The following MEX3A variants were observed in gnomAD, a reference collection of about 807,000 sequenced individuals.
MEX3A encodes mex-3 RNA binding family member A.
MEX3A carries 4 observed loss-of-function variants against 30.0 expected under a neutral mutation model. The observed-to-expected ratio is 0.13, with a 90% CI of 0.07 to 0.30. The LOEUF (loss-of-function observed/expected upper bound fraction) is 0.30, where lower values mean the gene tolerates loss of function less well. MEX3A is among the 10% of genes least tolerant of loss of function. The pLI is 1.00. For missense variants in MEX3A, 555 were observed against 736.7 expected (o/e 0.75, Z 2.86); for synonymous variants, 335 against 327.6 (o/e 1.02, Z -0.24).
In MEX3A at chr1:156,077,465, C is replaced by T; in HGVS notation, c.672G>A (p.Val224=). The T allele has an allele frequency of 6.2e-7, 1 of 1,613,464 alleles. No homozygotes were observed. Among genetic ancestry groups the T allele is most frequent in the Non-Finnish European group, 8.5e-7 (1 of 1,179,686 alleles). Residue 224 remains valine (V), a synonymous_variant, in exon 2 of 2, where the codon GTG becomes GTA. Transcript: ENST00000532414. The surrounding 1 kb of genome is among the most constrained non-coding windows in gnomAD (Gnocchi z 8.3). ...GGTAGGGCACCCGCACACGGATGGTCACCTGGCCGGGCAGAGCAGGAGCCA... is the reference window on the plus strand; with the variant it reads ...GGTAGGGCACCCGCACACGGATGGTTACCTGGCCGGGCAGAGCAGGAGCCA... ...FGVAPALPGQ[V]TIRVRVPYRV...
At position 156,082,164 on chromosome 1, in the gene MEX3A, C is replaced by T. The variant is rs964940064; in HGVS notation, c.-166G>A. 6.6e-6 allele frequency among the ~76,000 whole-genome samples: 1 copy of T among 150,568 alleles called. No homozygotes were observed. Among genetic ancestry groups the T allele is most frequent in the Non-Finnish European group, 1.5e-5 (1 of 67,376 alleles). The stretch of plus-strand genomic sequence containing the variant: ...AGAAAGCGAGATAGAAAGATAGACC[C>T]TCCCCCTAAGCCCCCCTCCCCAAAC... On this transcript the variant is annotated 5_prime_UTR_variant, in exon 1 of 2. Coordinates refer to ENST00000532414, the MANE Select transcript of MEX3A (RefSeq NM_001093725.2).
chr1:156,082,039 A>C lies in MEX3A; in HGVS notation c.-41T>G. The C allele has an allele frequency of 9.0e-7, 1 of 1,105,020 alleles. No individual in the cohort carries two copies. The highest frequency in any genetic ancestry group is 1.2e-6 in the Non-Finnish European group (1 of 840,974). The allele number at this position is 1,105,020 out of a possible 1,614,324, so 68.5% of individuals were successfully genotyped here. Reference sequence around the variant, plus strand: ...GGGGGAGAGAGAGAGGGAGAGAGAGAGAGAGAGGTGGTGGAAGGGAAAAGA... The same window carrying C: ...GGGGGAGAGAGAGAGGGAGAGAGAGCGAGAGAGGTGGTGGAAGGGAAAAGA... On this transcript the variant is annotated 5_prime_UTR_variant, in exon 1 of 2. Transcript: ENST00000532414.
rs1052843246 is a variant in MEX3A, at chr1:156,072,309, C to G, written c.*4265G>C. 1 of 152,524 alleles carries G rather than the reference C, an allele frequency of 6.6e-6. No individual in the cohort carries two copies. The highest frequency in any genetic ancestry group is 2.4e-5 in the African/African-American group (1 of 41,394). 9.4% of individuals were successfully genotyped at this position (152,524 alleles called of 1,614,324 possible). On this transcript the variant is annotated 3_prime_UTR_variant, in exon 2 of 2. Transcript: ENST00000532414. ...CTCCACCCACCCCCCCTTCCCCACC[C>G]GCACCCTCGAGTGGGGAAGGGGAAG...
In MEX3A at chr1:156,078,656, C is replaced by T. The variant is rs144532939; in HGVS notation, c.455-974G>A. ...GGGCTATTCTGTTTCTAAAAGCTGC[C>T]GACCTGGGGGTCTGGACAAGTCCCT... On this transcript the variant is annotated intron_variant, in intron 1 of 1. Coordinates refer to ENST00000532414, the MANE Select transcript of MEX3A (RefSeq NM_001093725.2). 1.8e-4 allele frequency among the ~76,000 whole-genome samples: 27 copies of T among 152,206 alleles called. No homozygotes were observed. The East Asian group carries it at 5.2e-3, about 29-fold the overall frequency.
chr1:156,080,503 C>G (rs1472433684), intron 1 of MEX3A, among the ~76,000 whole-genome samples: 2 of 152,112 alleles, frequency 1.3e-5, no homozygotes, highest in Non-Finnish European at 2.9e-5. Flanking sequence ...GCTCCTCCCC[C>G]ACCCCACACC....
chr1:156,077,627 C>T lies in MEX3A; in HGVS notation c.510G>A (p.Val170=). The part of the protein sequence containing the change: ...AKTNTYIKTP[V]RGEEPVFMVT... ...CCATGAACACTGGTTCCTCGCCCCT[C>T]ACCGGTGTCTTGATGTAGGTGTTGG... The change falls in exon 2 of 2, where the codon GTG becomes GTA. Residue 170 remains valine, a synonymous_variant. Coordinates refer to ENST00000532414, the MANE Select transcript of MEX3A (RefSeq NM_001093725.2). This position sits in a 1 kb window ranked among gnomAD's most constrained non-coding sequence, Gnocchi z 8.3. The T allele has an allele frequency of 6.2e-7, 1 of 1,607,520 alleles. No homozygotes were observed. The highest frequency in any genetic ancestry group is 8.5e-7 in the Non-Finnish European group (1 of 1,179,432).
chr1:156,081,657 C>T lies in MEX3A; in HGVS notation c.342G>A (p.Lys114=), dbSNP rs1367429709. 6.6e-7 allele frequency: 1 copy of T among 1,521,188 alleles called. No homozygotes were observed. Among genetic ancestry groups the T allele is most frequent in the Admixed American group, 2.0e-5 (1 of 49,236 alleles). The allele number at this position is 1,521,188 out of a possible 1,614,324, so 94.2% of individuals were successfully genotyped here. A position where few individuals can be genotyped will look rare whatever the true frequency, so the allele number is the denominator to read the frequency against. The part of the protein sequence containing the change: ...PTAPKGASDA[K]LCALYKEAEL... ...CGGCCTCTTTGTAGAGAGCGCAGAG[C>T]TTGGCGTCGCTCGCCCCTTTGGGGG... is the stretch of plus-strand genomic sequence containing the variant. The change falls in exon 1 of 2, where the codon AAG becomes AAA. Residue 114 remains lysine (K), a synonymous_variant. Transcript: ENST00000532414.
rs1647948046 is a variant in MEX3A at position 156,072,723 on chromosome 1, G to A, written c.*3851C>T. The stretch of plus-strand genomic sequence containing the variant: ...ACCCCTACCTGAACACATATAGATG[G>A]AGGTGAACTGGAGCAGAGGGTCAGG... On this transcript the variant is annotated 3_prime_UTR_variant, in exon 2 of 2. Coordinates refer to ENST00000532414, the MANE Select transcript of MEX3A (RefSeq NM_001093725.2). 1 of 152,768 alleles carries A rather than the reference G, an allele frequency of 6.5e-6. No homozygotes were observed. Among genetic ancestry groups the A allele is most frequent in the African/African-American group, 2.4e-5 (1 of 41,450 alleles). 9.5% of individuals were successfully genotyped at this position (152,768 alleles called of 1,614,324 possible). A position where few individuals can be genotyped will look rare whatever the true frequency, so the allele number is the denominator to read the frequency against.
rs1648070895 is a variant in MEX3A, at chr1:156,076,661, C to T, written c.1476G>A (p.Glu492=). 6.2e-7 allele frequency: 1 copy of T among 1,614,020 alleles called. No individual in the cohort carries two copies. The highest frequency in any genetic ancestry group is 8.5e-7 in the Non-Finnish European group (1 of 1,179,900). Residue 492 remains glutamate (E), a synonymous_variant, in exon 2 of 2, where the codon GAG becomes GAA. Transcript: ENST00000532414. The surrounding 1 kb of genome is among the most constrained non-coding windows in gnomAD (Gnocchi z 6.0). ...VPCGHNLFCM[E]CAVRICERTD... ...TCCTCTCGCAGATGCGTACTGCACA[C>T]TCCATGCAGAACAGGTTGTGTCCGC...
At chr1:156,080,951 T>C (rs1327938908) in intron 1 of MEX3A, among the ~76,000 whole-genome samples, 1 of 152,076 alleles carries the variant, frequency 6.6e-6, no homozygotes, top group Non-Finnish European at 1.5e-5. Context: ...ACAATCCAAC[T>C]TTGGGGTGTG....
In MEX3A at chr1:156,076,864, C is replaced by A; in HGVS notation, c.1273G>T (p.Ala425Ser). ...GCGGAAGTGGCAGGGGAGCGGTGTG[C>A]GCCCGGGGGCCCAGCGCGGGCCTTG... ...SAKARAGPPG[A>S]HRSPATSAGP... The change falls in exon 2 of 2, where the codon GCA (alanine) becomes TCA (serine). Residue 425 changes from alanine to serine, a missense_variant. Transcript: ENST00000532414. This position sits in a 1 kb window ranked among gnomAD's most constrained non-coding sequence, Gnocchi z 6.0. 1 of 1,535,744 alleles carries A rather than the reference C, an allele frequency of 6.5e-7. No homozygotes were observed. The highest frequency in any genetic ancestry group is 8.8e-7 in the Non-Finnish European group (1 of 1,140,610).
At position 156,073,159 on chromosome 1, in the gene MEX3A, C is replaced by A; in HGVS notation, c.*3415G>T. ...TTCAAGAAGGACTTCCTCAGTTAGG[C>A]CTGGGGGAAGCAGGCATGGGAGGGT... On this transcript the variant is annotated 3_prime_UTR_variant, in exon 2 of 2. Coordinates refer to ENST00000532414, the MANE Select transcript of MEX3A (RefSeq NM_001093725.2). The A allele has an allele frequency of 6.5e-6, 1 of 152,784 alleles. No individual in the cohort carries two copies. Among genetic ancestry groups the A allele is most frequent in the Non-Finnish European group, 1.5e-5 (1 of 68,070 alleles). 9.5% of individuals were successfully genotyped at this position (152,784 alleles called of 1,614,324 possible). A position where few individuals can be genotyped will look rare whatever the true frequency, so the allele number is the denominator to read the frequency against.
At chr1:156,080,946 C>T (rs1274343824) in intron 1 of MEX3A, among the ~76,000 whole-genome samples, 1 of 152,220 alleles carries the variant, frequency 6.6e-6, no homozygotes, top group East Asian at 1.9e-4. Flanking sequence ...CAGAGACAAT[C>T]CAACTTTGGG....
chr1:156,076,828 G>A lies in MEX3A; in HGVS notation c.1309C>T (p.Leu437=). The change falls in exon 2 of 2, where the codon CTG becomes TTG. Residue 437 remains leucine, a synonymous_variant. Transcript: ENST00000532414. The surrounding 1 kb of genome is among the most constrained non-coding windows in gnomAD (Gnocchi z 6.0). The part of the protein sequence containing the change: ...RSPATSAGPE[L]AGLPRRPPGE... ...GGGGGGCGCCTCGGGAGTCCGGCCA[G>A]CTCGGGTCCCGCGGAAGTGGCAGGG... is the stretch of plus-strand genomic sequence containing the variant. 1 of 1,550,244 alleles carries A rather than the reference G, an allele frequency of 6.5e-7. No homozygotes were observed. The highest frequency in any genetic ancestry group is 8.7e-7 in the Non-Finnish European group (1 of 1,146,962).
In MEX3A at chr1:156,074,412, T is replaced by TA. The variant is rs1288584375; in HGVS notation, c.*2161_*2162insT. On this transcript the variant is annotated 3_prime_UTR_variant, in exon 2 of 2. Coordinates refer to ENST00000532414, the MANE Select transcript of MEX3A (RefSeq NM_001093725.2). ...TAAATTATAAAGAACTGCTTTTTTT[T>TA]TTTTTTTTTGCTATTTTTGTTTTCT... is the stretch of plus-strand genomic sequence containing the variant. 3.3e-5 allele frequency: 5 copies of TA among 152,170 alleles called. No individual in the cohort carries two copies. The allele number at this position is 152,170 out of a possible 1,614,324, so 9.4% of individuals were successfully genotyped here. A position where few individuals can be genotyped will look rare whatever the true frequency, so the allele number is the denominator to read the frequency against.
Position 156,076,715 on chromosome 1 carries a change from C to T in MEX3A, c.1422G>A (p.Glu474=). 6.2e-7 allele frequency: 1 copy of T among 1,613,428 alleles called. No individual in the cohort carries two copies. The highest frequency in any genetic ancestry group is 8.5e-7 in the Non-Finnish European group (1 of 1,179,660). Reference sequence around the variant, plus strand: ...GCACAAGGGCGGCAGTCACTTCGCTCTCAAAGCAGACCATGCAATCCCGCC... The same window carrying T: ...GCACAAGGGCGGCAGTCACTTCGCTTTCAAAGCAGACCATGCAATCCCGCC... ...GGGRDCMVCF[E]SEVTAALVPC... is the part of the protein sequence containing the mutation. The change falls in exon 2 of 2, where the codon GAG becomes GAA. Residue 474 remains glutamate, a synonymous_variant. Transcript: ENST00000532414. The surrounding 1 kb of genome is among the most constrained non-coding windows in gnomAD (Gnocchi z 6.0).
rs1353992871 is a variant in MEX3A, at chr1:156,072,842, C to G, written c.*3732G>C. ...GCCTTCAAGGACAGTGTTTCCACTC[C>G]ACTCCGTGGGAAGTCCTTCTTGGAA... On this transcript the variant is annotated 3_prime_UTR_variant, in exon 2 of 2. Transcript: ENST00000532414. 1.3e-5 allele frequency: 2 copies of G among 152,410 alleles called. No homozygotes were observed. Among genetic ancestry groups the G allele is most frequent in the African/African-American group, 4.8e-5 (2 of 41,448 alleles). The allele number at this position is 152,410 out of a possible 1,614,324, so 9.4% of individuals were successfully genotyped here.
At position 156,077,118 on chromosome 1, in the gene MEX3A, C is replaced by T; in HGVS notation, c.1019G>A (p.Gly340Asp). Residue 340 changes from glycine (G) to aspartate (D), a missense_variant, in exon 2 of 2, where the codon GGC (glycine) becomes GAC (aspartate). Coordinates refer to ENST00000532414, the MANE Select transcript of MEX3A (RefSeq NM_001093725.2). The surrounding 1 kb of genome is among the most constrained non-coding windows in gnomAD (Gnocchi z 8.3). ...GTCCACTCCGCACTCGCCGATGCAGCCCAGGCTGTTCTGCCGGAAGGTGGA... is the reference window on the plus strand; with the variant it reads ...GTCCACTCCGCACTCGCCGATGCAGTCCAGGCTGTTCTGCCGGAAGGTGGA... ...PLSTFRQNSLGCIGECGVDSG... is the reference protein window; with the variant it reads ...PLSTFRQNSLDCIGECGVDSG... 6.2e-7 allele frequency: 1 copy of T among 1,613,862 alleles called. No homozygotes were observed.
Position 156,077,179 on chromosome 1 carries a change from C to CGTCGGAGTAGCGGCT in MEX3A, c.943_957dup (p.Ser315_Asp319dup). ...CAGCCGGGCTGGTGCACCCGCCAGG[C>CGTCGGAGTAGCGGCT]GTCGGAGTAGCGGCTATCGATTGCT... On this transcript the variant is annotated inframe_insertion, in exon 2 of 2. Coordinates refer to ENST00000532414, the MANE Select transcript of MEX3A (RefSeq NM_001093725.2). The surrounding 1 kb of genome is among the most constrained non-coding windows in gnomAD (Gnocchi z 8.3). 6.2e-7 allele frequency: 1 copy of CGTCGGAGTAGCGGCT among 1,613,470 alleles called. No individual in the cohort carries two copies. Among genetic ancestry groups the CGTCGGAGTAGCGGCT allele is most frequent in the Non-Finnish European group, 8.5e-7 (1 of 1,179,830 alleles).
Sources: allele counts gnomAD v4.1 joint callset (sites outside exome capture counted in the v4.1 genomes callset), GRCh38; gene constraint gnomAD v4.1.1; non-coding constraint Gnocchi (gnomAD v3.1); transcripts MANE v1.5; gene names NCBI Gene and HGNC (gene_info 2026-07-23, HGNC 2026-07-21).